PDE6D: variants seen among roughly 807,000 people sequenced by gnomAD.
PDE6D encodes the protein retinal rod rhodopsin-sensitive cGMP 3',5'-cyclic phosphodiesterase subunit delta.
Under a neutral mutation model 21.9 loss-of-function variants are expected in PDE6D, and 10 were observed. The ratio of observed to expected loss-of-function variants is 0.46; its 90% confidence interval spans 0.28 to 0.78. PDE6D has a LOEUF of 0.78. Among genes scored for constraint, PDE6D ranks in the 30% least tolerant of loss-of-function variants. PDE6D has a pLI of 0.12. For missense variants in PDE6D, 139 were observed against 184.8 expected, an observed-to-expected ratio of 0.75 and a Z score of 1.44; for synonymous variants, 59 against 63.5, an observed-to-expected ratio of 0.93 and a Z score of 0.34.
chr2:231,751,763 A>G (rs1371417683), intron 1 of PDE6D, among the ~76,000 whole-genome samples: 2 of 152,190 alleles, frequency 1.3e-5, no homozygotes, highest in South Asian at 4.1e-4. Context: ...TCACATCAAT[A>G]TCAAGGATAC....
intron 1 of PDE6D, among the ~76,000 whole-genome samples, chr2:231,759,368 C>T (rs2048908226): frequency 6.6e-6 from 1 of 151,744 alleles, no homozygotes; most frequent in Non-Finnish European, 1.5e-5. Flanking sequence ...AAAGGTATTT[C>T]TAGGAAATAA....
intron 1 of PDE6D, among the ~76,000 whole-genome samples, chr2:231,744,151 C>T (rs1323875906): frequency 6.6e-6 from 1 of 152,188 alleles, no homozygotes; most frequent in Non-Finnish European, 1.5e-5. Context: ...GGTCCCTGCA[C>T]AAAGCTGCAG....
chr2:231,767,354 T>C (rs568182233), intron 1 of PDE6D, among the ~76,000 whole-genome samples: 1 of 152,168 alleles, frequency 6.6e-6, no homozygotes, highest in Middle Eastern at 3.4e-3. Flanking sequence ...GAGTCTCCGT[T>C]GCCAAGGCTG....
At chr2:231,768,353 C>G (rs2048988861) in intron 1 of PDE6D, among the ~76,000 whole-genome samples, 1 of 152,068 alleles carries the variant, frequency 6.6e-6, no homozygotes, top group South Asian at 2.1e-4. Flanking sequence ...AACTGGGTAA[C>G]ACCTCATCTT....
At chr2:231,750,481 C>CTT (rs34007857) in intron 1 of PDE6D, among the ~76,000 whole-genome samples, 12 of 133,556 alleles carry the variant, frequency 9.0e-5, no homozygotes, top group South Asian at 2.4e-4. Context: ...ATCCATATCA[C>CTT]TTTTTTTTTT....
intron 1 of PDE6D, among the ~76,000 whole-genome samples, chr2:231,740,030 TAA>T (rs1322439950): frequency 2.6e-5 from 4 of 152,134 alleles, no homozygotes; most frequent in African/African-American, 9.6e-5. Flanking sequence ...GATAAAGACA[TAA>T]GTTTTAAAAA....
Position 231,763,628 on chromosome 2 carries a change from C to CT in PDE6D, c.50+17436dup, listed in dbSNP as rs1008984136. Among the ~76,000 whole-genome samples the CT allele has an allele frequency of 1.9e-3, 290 of 149,016 alleles. 3 individuals carry two copies. Among genetic ancestry groups the CT allele is most frequent in the Admixed American group, 0.017 (250 of 14,954 alleles). ...CTTTTATGTCATTTTTCTTTAAAAA[C>CT]TTTTTTTTTCTTTTTTTTTTTTTTA... On this transcript the variant is annotated intron_variant, in intron 1 of 4. Transcript: ENST00000287600.
intron 1 of PDE6D, among the ~76,000 whole-genome samples, chr2:231,751,166 CT>C (rs967050752): frequency 2.1e-5 from 3 of 142,728 alleles, no homozygotes; most frequent in African/African-American, 7.9e-5. Context: ...TAGTTTTTTT[CT>C]TTTTTTTGAG....
At chr2:231,746,318 T>A (rs2048793533) in intron 1 of PDE6D, among the ~76,000 whole-genome samples, 1 of 152,102 alleles carries the variant, frequency 6.6e-6, no homozygotes, top group African/African-American at 2.4e-5. Flanking sequence ...ATTTTTTGTA[T>A]TTTTAGTACA....
intron 1 of PDE6D, among the ~76,000 whole-genome samples, chr2:231,768,151 A>G (rs567336083): frequency 6.6e-6 from 1 of 152,098 alleles, no homozygotes; most frequent in Admixed American, 6.6e-5. Context: ...GCCACTATCT[A>G]TTATTCTTAA....
intron 1 of PDE6D, among the ~76,000 whole-genome samples, chr2:231,769,153 G>T (rs1166684259): frequency 6.6e-6 from 1 of 152,296 alleles, no homozygotes. Context: ...ACAGGCGTGA[G>T]CCACCATGCC....
chr2:231,736,560 A>T (rs1182972276), intron 4 of PDE6D, among the ~76,000 whole-genome samples: 1 of 152,224 alleles, frequency 6.6e-6, no homozygotes, highest in African/African-American at 2.4e-5. Context: ...GAAGTTATTG[A>T]CAGTGTTTTT....
At chr2:231,770,911 C>A (rs1297266671) in intron 1 of PDE6D, among the ~76,000 whole-genome samples, 3 of 151,024 alleles carry the variant, frequency 2.0e-5, no homozygotes, top group Non-Finnish European at 4.4e-5. Flanking sequence ...TGAGATCGCG[C>A]CATTGCACTC....
chr2:231,768,877 C>G (rs2048993045), intron 1 of PDE6D, among the ~76,000 whole-genome samples: 1 of 151,746 alleles, frequency 6.6e-6, no homozygotes, highest in Non-Finnish European at 1.5e-5. Context: ...TTATCATTTT[C>G]TTTTTTTTGA....
intron 1 of PDE6D, among the ~76,000 whole-genome samples, chr2:231,774,892 CTT>C (rs554042419): frequency 1.4e-5 from 2 of 138,846 alleles, no homozygotes; most frequent in African/African-American, 5.3e-5. Flanking sequence ...TGCCTGGCAT[CTT>C]TTTTTTTTTT....
intron 1 of PDE6D, among the ~76,000 whole-genome samples, chr2:231,769,245 A>T (rs2048996464): frequency 6.6e-6 from 1 of 152,218 alleles, no homozygotes; most frequent in Non-Finnish European, 1.5e-5. Context: ...TGTCTGAATG[A>T]ATGGCCAGTG....
chr2:231,762,936 T>TA (rs1026432189), intron 1 of PDE6D, among the ~76,000 whole-genome samples: 14 of 144,054 alleles, frequency 9.7e-5, no homozygotes, highest in South Asian at 2.2e-4. Flanking sequence ...CCATCTCTAC[T>TA]AAAAAAAAAA....
At chr2:231,750,481 C>CATTTTTTTTT (rs1553557786) in intron 1 of PDE6D, among the ~76,000 whole-genome samples, 1 of 133,562 alleles carries the variant, frequency 7.5e-6, no homozygotes, top group Non-Finnish European at 1.6e-5. Context: ...ATCCATATCA[C>CATTTTTTTTT]TTTTTTTTTT....
At chr2:231,750,228 A>T (rs188637057) in intron 1 of PDE6D, among the ~76,000 whole-genome samples, 63 of 152,268 alleles carry the variant, frequency 4.1e-4, no homozygotes, top group African/African-American at 1.5e-3. Flanking sequence ...AGCCATGTGG[A>T]ACTGTAAGTC....
Sources: gnomAD v4.1 joint callset for allele counts (sites outside exome capture counted in the v4.1 genomes callset) on GRCh38, gnomAD v4.1.1 for gene constraint, MANE v1.5 for transcripts, NCBI Gene and HGNC (gene_info 2026-07-23, HGNC 2026-07-21) for gene names.